Variants in SOX5 observed in about 807,000 individuals in gnomAD.
The protein encoded by SOX5 is SRY-box transcription factor 5, also known as transcription factor SOX-5.
In SOX5, 9 loss-of-function variants were observed where a neutral mutation model predicts 92.0. That is an observed-to-expected ratio of 0.10 (90% confidence interval 0.06 to 0.17). The LOEUF (loss-of-function observed/expected upper bound fraction) is 0.17. Among genes scored for constraint, SOX5 ranks in the 10% least tolerant of loss-of-function variants. The pLI is 1.00. For synonymous variants in SOX5, 344 were observed against 336.3 expected, an observed-to-expected ratio of 1.02 and a Z score of -0.25; for missense variants, 642 against 944.5, an observed-to-expected ratio of 0.68 and a Z score of 4.20.
chr12:23,799,856 ATTTAT>A (rs993673633), intron 3 of SOX5, among the ~76,000 whole-genome samples: 3 of 152,002 alleles, frequency 2.0e-5, no homozygotes, highest in Non-Finnish European at 2.9e-5. Flanking sequence ...TTAACAACTT[ATTTAT>A]TTTATCTGTG....
intron 4 of SOX5, among the ~76,000 whole-genome samples, chr12:24,175,951 G>C (rs1954761525): frequency 6.6e-6 from 1 of 151,822 alleles, no homozygotes; most frequent in Non-Finnish European, 1.5e-5. Flanking sequence ...CATGAAGTGG[G>C]CTAGTTTCTC....
rs530393064 is a variant in SOX5, at chr12:23,532,446, C to G, written c.*1773G>C. 1.3e-5 allele frequency: 2 copies of G among 152,308 alleles called. No homozygotes were observed. The highest frequency in any genetic ancestry group is 4.1e-4 in the South Asian group (2 of 4,830). 9.4% of individuals were successfully genotyped at this position (152,308 alleles called of 1,614,324 possible). On this transcript the variant is annotated 3_prime_UTR_variant, in exon 15 of 15. Coordinates refer to ENST00000451604, the MANE Select transcript of SOX5 (RefSeq NM_006940.6). ...TTACTATCTATCTGATACTTCAATACAAATAATGGCAATTGACTTGAAATG... is the reference window on the plus strand; with the variant it reads ...TTACTATCTATCTGATACTTCAATAGAAATAATGGCAATTGACTTGAAATG...
chr12:23,836,239 T>C (rs954811172), intron 3 of SOX5, among the ~76,000 whole-genome samples: 9 of 151,878 alleles, frequency 5.9e-5, no homozygotes, highest in Admixed American at 2.6e-4. Flanking sequence ...TAGACCATAA[T>C]TATCACAAAA....
chr12:23,982,246 C>G (rs1949641943), intron 4 of SOX5, among the ~76,000 whole-genome samples: 1 of 152,198 alleles, frequency 6.6e-6, no homozygotes, highest in African/African-American at 2.4e-5. Flanking sequence ...ATGACTTTCT[C>G]TGCTTCAGAA....
intron 5 of SOX5, among the ~76,000 whole-genome samples, chr12:23,739,872 AT>A (rs1390581800): frequency 2.6e-5 from 4 of 152,004 alleles, no homozygotes; most frequent in African/African-American, 9.7e-5. Flanking sequence ...TCCTGTTTAT[AT>A]TTTTTCAAAT....
At chr12:24,089,524 A>G (rs976387423) in intron 4 of SOX5, among the ~76,000 whole-genome samples, 2 of 152,182 alleles carry the variant, frequency 1.3e-5, no homozygotes, top group Admixed American at 1.3e-4. Context: ...GGAACAGAAC[A>G]TATAATCAAA....
chr12:24,320,021 C>T (rs1042179558), intron 2 of SOX5, among the ~76,000 whole-genome samples: 4 of 152,186 alleles, frequency 2.6e-5, no homozygotes, highest in African/African-American at 7.2e-5. Flanking sequence ...TATATTTCTA[C>T]TAGACTGCTA....
intron 1 of SOX5, among the ~76,000 whole-genome samples, chr12:24,425,685 T>A (rs1295900613): frequency 6.6e-6 from 1 of 152,230 alleles, no homozygotes; most frequent in Non-Finnish European, 1.5e-5. Context: ...GTAAGGCTTT[T>A]ACTGGAATTA....
At chr12:24,198,463 G>T (rs1704262666) in intron 4 of SOX5, among the ~76,000 whole-genome samples, 1 of 152,042 alleles carries the variant, frequency 6.6e-6, no homozygotes, top group African/African-American at 2.4e-5. Context: ...TATAGTTTTA[G>T]AGAATAACAA....
chr12:23,742,334 G>T (rs1447101673), intron 4 of SOX5, among the ~76,000 whole-genome samples: 1 of 152,070 alleles, frequency 6.6e-6, no homozygotes, highest in East Asian at 1.9e-4. Flanking sequence ...TGTGAATAAG[G>T]CAGTAACCAT....
intron 8 of SOX5, among the ~76,000 whole-genome samples, chr12:23,638,997 G>A (rs1183900672): frequency 6.6e-6 from 1 of 151,838 alleles, no homozygotes; most frequent in Non-Finnish European, 1.5e-5. Context: ...TTATACTACA[G>A]GATTATTTGA....
intron 4 of SOX5, among the ~76,000 whole-genome samples, chr12:24,029,512 C>A (rs910735287): frequency 2.0e-5 from 3 of 151,718 alleles, no homozygotes; most frequent in Non-Finnish European, 2.9e-5. Context: ...TGGACTCAAG[C>A]GATCCCCCCA....
chr12:23,592,231 A>G (rs903735857), intron 9 of SOX5, among the ~76,000 whole-genome samples: 6 of 152,206 alleles, frequency 3.9e-5, no homozygotes, highest in African/African-American at 1.2e-4. Flanking sequence ...CTATTTGAGT[A>G]TACATTTTTT....
At chr12:24,223,696 AG>A (rs2139828141) in intron 3 of SOX5, among the ~76,000 whole-genome samples, 1 of 152,324 alleles carries the variant, frequency 6.6e-6, no homozygotes, top group South Asian at 2.1e-4. Context: ...TTGAGGCTGC[AG>A]TGAGCTATGA....
chr12:24,122,728 T>C (rs1948751598), intron 4 of SOX5, among the ~76,000 whole-genome samples: 1 of 152,184 alleles, frequency 6.6e-6, no homozygotes, highest in African/African-American at 2.4e-5. Context: ...CTCAGTGAGA[T>C]AAACTATTGT....
intron 1 of SOX5, among the ~76,000 whole-genome samples, chr12:23,903,464 G>C (rs1454222724): frequency 6.6e-6 from 1 of 152,164 alleles, no homozygotes; most frequent in African/African-American, 2.4e-5. Flanking sequence ...TCCGCCTGTA[G>C]TGCGAGCAAC....
chr12:24,348,049 CAA>C (rs1182462748), intron 2 of SOX5, among the ~76,000 whole-genome samples: 3,188 of 72,594 alleles, frequency 0.044, 26 homozygotes, highest in African/African-American at 0.083. Context: ...TACAGCTAAT[CAA>C]AAAAAAAAAA....
chr12:24,101,783 G>T (rs1946122793), intron 4 of SOX5, among the ~76,000 whole-genome samples: 1 of 152,104 alleles, frequency 6.6e-6, no homozygotes, highest in Non-Finnish European at 1.5e-5. Flanking sequence ...GGAAAGATTT[G>T]CTCAGGGAAT....
intron 4 of SOX5, among the ~76,000 whole-genome samples, chr12:24,042,580 C>G (rs1956628406): frequency 6.6e-6 from 1 of 152,060 alleles, no homozygotes; most frequent in African/African-American, 2.4e-5. Context: ...ATATATTTAG[C>G]CTTTTTTAAA....
Sources: gnomAD v4.1 joint callset for allele counts (sites outside exome capture counted in the v4.1 genomes callset) on GRCh38, gnomAD v4.1.1 for gene constraint, MANE v1.5 for transcripts, NCBI Gene and HGNC (gene_info 2026-07-23, HGNC 2026-07-21) for gene names.